PYROXD2: variants seen among roughly 807,000 people sequenced by gnomAD.
The protein encoded by PYROXD2 is pyridine nucleotide-disulfide oxidoreductase domain-containing protein 2.
A neutral mutation model predicts 71.1 loss-of-function variants in PYROXD2; 69 were observed. The observed-to-expected ratio is 0.97, with a 90% CI of 0.80 to 1.19. The LOEUF (loss-of-function observed/expected upper bound fraction) is 1.19, where lower values mean the gene tolerates loss of function less well. PYROXD2 is among the 50% of genes most tolerant of loss of function. The pLI is 0.00. For missense variants in PYROXD2, 745 were observed against 748.9 expected (o/e 0.99, Z 0.06); for synonymous variants, 287 against 302.7 (o/e 0.95, Z 0.54).
chr10:98,395,331 C>G, intron 7 of PYROXD2, 38 bp from the exon 8 acceptor site: 1 of 1,613,754 alleles, frequency 6.2e-7, no homozygotes, highest in Non-Finnish European at 8.5e-7. Context: ...GCTTAGGAGC[C>G]TGGATGGGAG....
intron 2 of PYROXD2, chr10:98,410,703 C>T: frequency 1.7e-6 from 1 of 583,864 alleles, no homozygotes; most frequent in Non-Finnish European, 2.9e-6. Context: ...ATGGGGAAAC[C>T]ACCTTTCCCC....
Position 98,415,097 on chromosome 10 carries a change from G to C in PYROXD2, c.39C>G (p.Ala13=), listed in dbSNP as rs372286594. 3 of 1,613,880 alleles carry C rather than the reference G, an allele frequency of 1.9e-6. No homozygotes were observed. The highest frequency in any genetic ancestry group is 2.5e-6 in the Non-Finnish European group (3 of 1,179,970). ...GTCTCCACGCCGGGAAGGGAGAGGCGGCCACAGCCTTGCAGAGACCTCGGC... is the reference window on the plus strand; with the variant it reads ...GTCTCCACGCCGGGAAGGGAGAGGCCGCCACAGCCTTGCAGAGACCTCGGC... ...ASGRGLCKAV[A]ASPFPAWRRD... Residue 13 remains alanine (A), a synonymous_variant, in exon 1 of 16, where the codon GCC becomes GCG. Coordinates refer to ENST00000370575, the MANE Select transcript of PYROXD2 (RefSeq NM_032709.3).
At position 98,392,629 on chromosome 10, in the gene PYROXD2, G is replaced by A. The variant is rs12257567; in HGVS notation, c.928-63C>T. ...AAGGGAAATCCATGTTAGATCTTCC[G>A]GGATTTCCATGGTCTGTGCTGCTCC... is the stretch of plus-strand genomic sequence containing the variant. On this transcript the variant is annotated intron_variant, in intron 9 of 15. Coordinates refer to ENST00000370575, the MANE Select transcript of PYROXD2 (RefSeq NM_032709.3). The A allele has an allele frequency of 2.9e-3, 4,579 of 1,591,938 alleles. 99 individuals are homozygous for A. The African/African-American group carries it at 0.051, about 18-fold the overall frequency.
rs763798013 is a variant in PYROXD2, at chr10:98,407,562, G to A, written c.315+20C>T. On this transcript the variant is annotated intron_variant, in intron 4 of 15. Transcript: ENST00000370575. ...ACTGCCTCCTCCCTCCGTGCAATCG[G>A]GCCGGCGGGGGGGCCCTACCTTCAG... is the stretch of plus-strand genomic sequence containing the variant. 55 of 1,612,722 alleles carry A rather than the reference G, an allele frequency of 3.4e-5. No individual in the cohort carries two copies. Among genetic ancestry groups the A allele is most frequent in the Non-Finnish European group, 4.5e-5 (53 of 1,179,938 alleles).
At chr10:98,391,946 A>C (rs933904968) in intron 10 of PYROXD2, among the ~76,000 whole-genome samples, 4 of 152,226 alleles carry the variant, frequency 2.6e-5, no homozygotes, top group African/African-American at 4.8e-5. Flanking sequence ...AGCCAACTGC[A>C]GACGCATGAG....
At chr10:98,391,541 TC>T (rs1564795386) in intron 10 of PYROXD2, among the ~76,000 whole-genome samples, 1 of 152,110 alleles carries the variant, frequency 6.6e-6, no homozygotes, top group African/African-American at 2.4e-5. Context: ...TGTTATCATA[TC>T]TTTTGAGCAC....
At chr10:98,386,446 C>A (rs1456861731) in intron 14 of PYROXD2, among the ~76,000 whole-genome samples, 2 of 151,944 alleles carry the variant, frequency 1.3e-5, no homozygotes, top group African/African-American at 4.8e-5. Flanking sequence ...AACATGTAAT[C>A]AATATATAAC....
At chr10:98,390,461 G>A (rs1355544905) in intron 12 of PYROXD2, 137 bp downstream of exon 12, 2 of 1,006,864 alleles carry the variant, frequency 2.0e-6, no homozygotes, top group Admixed American at 2.8e-5. Flanking sequence ...GTCCTTAGGA[G>A]TATGGATTTT....
At chr10:98,414,815 C>A (rs1268972886) in intron 1 of PYROXD2, 194 bp downstream of exon 1, 4 of 750,024 alleles carry the variant, frequency 5.3e-6, no homozygotes, top group Non-Finnish European at 8.1e-6. Context: ...AGAGCCAGCA[C>A]CGGAATCCCA....
At chr10:98,400,318 T>G (rs971926551) in intron 4 of PYROXD2, 61 bp from the exon 5 acceptor site, 161 of 1,498,530 alleles carry the variant, frequency 1.1e-4, no homozygotes, top group Non-Finnish European at 1.4e-4. Flanking sequence ...GCCCATCATC[T>G]TTCTCCGATT....
chr10:98,408,055 C>A lies in PYROXD2; in HGVS notation c.148-58G>T, dbSNP rs1044546642. The A allele has an allele frequency of 2.6e-6, 4 of 1,516,530 alleles. No individual in the cohort carries two copies. In the Admixed American group the frequency reaches 7.8e-5, roughly 30 times the overall value. The allele number at this position is 1,516,530 out of a possible 1,614,324, so 93.9% of individuals were successfully genotyped here. A position where few individuals can be genotyped will look rare whatever the true frequency, so the allele number is the denominator to read the frequency against. ...TTTATCCCTCTGAAATGTCAGGGCT[C>A]CCTCGGGCTGACCCGCAGACTAAGG... On this transcript the variant is annotated intron_variant, in intron 2 of 15. Transcript: ENST00000370575.
chr10:98,397,498 C>T lies in PYROXD2; in HGVS notation c.472G>A (p.Val158Ile). 1 of 1,597,596 alleles carries T rather than the reference C, an allele frequency of 6.3e-7. No homozygotes were observed. The highest frequency in any genetic ancestry group is 8.6e-7 in the Non-Finnish European group (1 of 1,169,016). The change falls in exon 6 of 16, where the codon GTC becomes ATC. Residue 158 changes from valine to isoleucine, a missense_variant and splice_region_variant. Physicochemically the swap from Val to Ile is conservative, Grantham distance 29. Transcript: ENST00000370575. ...ATGAACTCCTCATATTTGGGAAAGACCTGGAACAGAGCTCTGCATTAAGGC... is the reference window on the plus strand; with the variant it reads ...ATGAACTCCTCATATTTGGGAAAGATCTGGAACAGAGCTCTGCATTAAGGC... The part of the protein sequence containing the change: ...IAQFSQKDAQ[V>I]FPKYEEFMHR...
At chr10:98,398,126 G>A (rs573358513) in intron 5 of PYROXD2, among the ~76,000 whole-genome samples, 2 of 152,228 alleles carry the variant, frequency 1.3e-5, no homozygotes, top group South Asian at 2.1e-4. Flanking sequence ...CAAGTGATCC[G>A]CCTGCCTCGG....
At chr10:98,394,280 A>AAAAGGGCAGGAGGCCCCAGCTGGAT (rs1843064357) in intron 8 of PYROXD2, among the ~76,000 whole-genome samples, 2 of 152,272 alleles carry the variant, frequency 1.3e-5, no homozygotes, top group African/African-American at 4.8e-5. Context: ...ATCCGAAGAG[A>AAAAGGGCAGGAGGCCCCAGCTGGAT]AAAGGGCAGG....
At chr10:98,390,490 G>C in intron 12 of PYROXD2, 108 bp downstream of exon 12, 1 of 1,294,512 alleles carries the variant, frequency 7.7e-7, no homozygotes, top group Non-Finnish European at 1.0e-6. Context: ...CTAAGTCACT[G>C]TGAAGGTTGA....
chr10:98,408,659 G>C (rs1198023395), intron 2 of PYROXD2, among the ~76,000 whole-genome samples: 1 of 152,118 alleles, frequency 6.6e-6, no homozygotes, highest in Non-Finnish European at 1.5e-5. Flanking sequence ...AATGATGCAA[G>C]GATTTCTATT....
At chr10:98,406,709 C>A (rs1402113224) in intron 4 of PYROXD2, among the ~76,000 whole-genome samples, 1 of 151,850 alleles carries the variant, frequency 6.6e-6, no homozygotes, top group Admixed American at 6.6e-5. Context: ...CCGGCTAACA[C>A]GGTGAAAGCC....
intron 4 of PYROXD2, among the ~76,000 whole-genome samples, chr10:98,401,686 C>A (rs1843416721): frequency 6.6e-6 from 1 of 151,560 alleles, no homozygotes; most frequent in South Asian, 2.1e-4. Flanking sequence ...TACTTTATAA[C>A]CTTTTTTCGC....
At chr10:98,384,150 A>C (rs146062742) in intron 15 of PYROXD2, among the ~76,000 whole-genome samples, 1 of 152,042 alleles carries the variant, frequency 6.6e-6, no homozygotes, top group Non-Finnish European at 1.5e-5. Context: ...AGTGAAGTTA[A>C]AATTTCAGAA....
Sources: gnomAD v4.1 joint callset for allele counts (sites outside exome capture counted in the v4.1 genomes callset) on GRCh38, gnomAD v4.1.1 for gene constraint, MANE v1.5 for transcripts, NCBI Gene and HGNC (gene_info 2026-07-23, HGNC 2026-07-21) for gene names.